The following IL1RAPL2 variants were observed in gnomAD, a reference collection of about 807,000 sequenced individuals.
IL1RAPL2 encodes the protein X-linked interleukin-1 receptor accessory protein-like 2.
IL1RAPL2 carries 3 observed loss-of-function variants against 44.1 expected under a neutral mutation model. That is an observed-to-expected ratio of 0.07 (90% CI 0.03 to 0.18). The LOEUF is 0.18. Ranked by LOEUF, IL1RAPL2 falls within the 10% of genes least tolerant of loss-of-function variation. IL1RAPL2 has a pLI of 1.00. For missense variants in IL1RAPL2, 391 were observed against 496.4 expected, an observed-to-expected ratio of 0.79 and a Z score of 2.02; for synonymous variants, 181 against 178.8, an observed-to-expected ratio of 1.01 and a Z score of -0.10.
chrX:104,749,250 G>A (rs755830672), intron 2 of IL1RAPL2, among the ~76,000 whole-genome samples: 2 of 111,003 alleles, frequency 1.8e-5, no homozygotes, highest in South Asian at 3.8e-4. Flanking sequence ...AGAGATATAA[G>A]TACTGAGGTC....
chrX:105,176,241 A>G (rs1457115684), intron 2 of IL1RAPL2, among the ~76,000 whole-genome samples: 2 of 111,288 alleles, frequency 1.8e-5, no homozygotes, highest in Non-Finnish European at 3.8e-5. Flanking sequence ...CTAAATGCAT[A>G]TAGTAACATG....
At chrX:105,692,595 A>C (rs1156812559) in intron 6 of IL1RAPL2, among the ~76,000 whole-genome samples, 2 of 110,548 alleles carry the variant, frequency 1.8e-5, no homozygotes, top group Non-Finnish European at 3.8e-5. Flanking sequence ...AGATAATTAC[A>C]AAGCAATATT....
chrX:105,480,150 G>C (rs2036224833), intron 5 of IL1RAPL2, among the ~76,000 whole-genome samples: 1 of 112,058 alleles, frequency 8.9e-6, no homozygotes, highest in Non-Finnish European at 1.9e-5. Flanking sequence ...CATAACAGTA[G>C]GTAACACTTG....
chrX:105,095,272 T>C (rs1050383976), intron 2 of IL1RAPL2, among the ~76,000 whole-genome samples: 1 of 111,620 alleles, frequency 9.0e-6, no homozygotes, highest in Non-Finnish European at 1.9e-5. Context: ...ATTTCAATCT[T>C]TTACCACTAA....
At chrX:105,744,724 G>A (rs1261348295) in intron 8 of IL1RAPL2, among the ~76,000 whole-genome samples, 1 of 111,686 alleles carries the variant, frequency 9.0e-6, no homozygotes, top group African/African-American at 3.3e-5. Flanking sequence ...TCTGTCTTCT[G>A]TCTGCACCTA....
At chrX:105,099,225 G>A (rs765836852) in intron 2 of IL1RAPL2, among the ~76,000 whole-genome samples, 1 of 111,305 alleles carries the variant, frequency 9.0e-6, no homozygotes, top group South Asian at 3.8e-4. Flanking sequence ...GTTCCCCATT[G>A]TATCAGTCTG....
intron 2 of IL1RAPL2, among the ~76,000 whole-genome samples, chrX:104,731,274 T>C (rs1247911041): frequency 1.8e-5 from 2 of 110,331 alleles, no homozygotes; most frequent in Admixed American, 9.7e-5. Context: ...TTTGGTGTTT[T>C]AGACATGAAG....
chrX:104,779,067 ACTT>A (rs988801055), intron 2 of IL1RAPL2, among the ~76,000 whole-genome samples: 8 of 111,748 alleles, frequency 7.2e-5, no homozygotes, highest in Non-Finnish European at 1.1e-4. Flanking sequence ...ATTTCCATTG[ACTT>A]CTTCTCCCTT....
intron 2 of IL1RAPL2, among the ~76,000 whole-genome samples, chrX:104,793,667 C>T (rs749385099): frequency 9.0e-6 from 1 of 111,573 alleles, no homozygotes; most frequent in Non-Finnish European, 1.9e-5. Context: ...TTAGTGACAA[C>T]GTATATTAGA....
chrX:105,464,953 A>G (rs955816348), intron 5 of IL1RAPL2, among the ~76,000 whole-genome samples: 1 of 111,750 alleles, frequency 8.9e-6, no homozygotes, highest in Non-Finnish European at 1.9e-5. Flanking sequence ...CAGAGTACCC[A>G]GAGAAAACCC....
chrX:105,624,309 G>T (rs1250808439), intron 6 of IL1RAPL2, among the ~76,000 whole-genome samples: 1 of 111,058 alleles, frequency 9.0e-6, no homozygotes, highest in Non-Finnish European at 1.9e-5. Flanking sequence ...GTTTTGGATG[G>T]TATCTTGAGA....
At chrX:104,792,946 G>T (rs1451543541) in intron 2 of IL1RAPL2, among the ~76,000 whole-genome samples, 2 of 112,094 alleles carry the variant, frequency 1.8e-5, no homozygotes, top group African/African-American at 3.2e-5. Context: ...AAGCTGTCTT[G>T]TATTATTTCT....
At chrX:105,711,330 G>A (rs752701046) in intron 6 of IL1RAPL2, among the ~76,000 whole-genome samples, 1 of 111,107 alleles carries the variant, frequency 9.0e-6, no homozygotes, top group African/African-American at 3.3e-5. Context: ...CACATGGCAA[G>A]AACATGAGTG....
intron 1 of IL1RAPL2, among the ~76,000 whole-genome samples, chrX:104,623,598 G>T (rs1019596465): frequency 1.4e-4 from 16 of 111,136 alleles, no homozygotes; most frequent in Non-Finnish European, 2.8e-4. Flanking sequence ...CACACCACTG[G>T]TTGGAGGTTG....
chrX:104,658,485 G>A (rs1930318525), intron 1 of IL1RAPL2, among the ~76,000 whole-genome samples: 1 of 111,794 alleles, frequency 8.9e-6, no homozygotes, highest in African/African-American at 3.3e-5. Flanking sequence ...GGCAGGGGGA[G>A]GAATAGAATT....
intron 5 of IL1RAPL2, among the ~76,000 whole-genome samples, chrX:105,432,833 C>G (rs1484755259): frequency 9.1e-6 from 1 of 110,281 alleles, no homozygotes; most frequent in Non-Finnish European, 1.9e-5. Flanking sequence ...ATTTGAATGA[C>G]CAATTTGTTG....
chrX:104,838,915 T>A (rs1602751486), intron 2 of IL1RAPL2, among the ~76,000 whole-genome samples: 1 of 100,530 alleles, frequency 9.9e-6, no homozygotes, highest in East Asian at 3.2e-4. Flanking sequence ...AGTGGCGTGA[T>A]CTTGACTCAC....
intron 5 of IL1RAPL2, among the ~76,000 whole-genome samples, chrX:105,314,319 GTAGT>G (rs1181952247): frequency 1.8e-5 from 2 of 109,213 alleles, no homozygotes; most frequent in African/African-American, 6.7e-5. Context: ...GTGGTATTTG[GTAGT>G]GAACTTACCC....
At chrX:105,026,352 A>G (rs930178568) in intron 2 of IL1RAPL2, among the ~76,000 whole-genome samples, 8 of 110,576 alleles carry the variant, frequency 7.2e-5, no homozygotes, top group African/African-American at 2.3e-4. Context: ...TCTAATGAGC[A>G]TTTCCTTTGA....
Sources: gnomAD v4.1 joint callset for allele counts (sites outside exome capture counted in the v4.1 genomes callset) on GRCh38, gnomAD v4.1.1 for gene constraint, MANE v1.5 for transcripts, NCBI Gene and HGNC (gene_info 2026-07-23, HGNC 2026-07-21) for gene names.